The following MYO16 variants were observed in gnomAD, a reference collection of about 807,000 sequenced individuals.
MYO16 encodes myosin XVI, also known as unconventional myosin-XVI.
A neutral mutation model predicts 205.3 loss-of-function variants in MYO16; 94 were observed. That is an observed-to-expected ratio of 0.46 (90% CI 0.39 to 0.54). The LOEUF (loss-of-function observed/expected upper bound fraction) is 0.54. Ranked by LOEUF, MYO16 falls within the 20% of genes least tolerant of loss-of-function variation. The pLI is 0.00. For missense variants in MYO16, 2,315 were observed against 2,387.5 expected (o/e 0.97, Z 0.63); for synonymous variants, 988 against 954.0 (o/e 1.04, Z -0.66).
At chr13:109,110,966 A>G (rs994998509) in intron 28 of MYO16, among the ~76,000 whole-genome samples, 5 of 152,164 alleles carry the variant, frequency 3.3e-5, no homozygotes, top group African/African-American at 1.2e-4. Flanking sequence ...GGATACATGA[A>G]TGAATGAATG....
chr13:108,821,964 G>A (rs1432050145), intron 8 of MYO16, among the ~76,000 whole-genome samples: 3 of 152,080 alleles, frequency 2.0e-5, no homozygotes, highest in East Asian at 1.9e-4. Flanking sequence ...CATGCAAAAC[G>A]CAAAGAGTTA....
At chr13:109,024,510 G>T (rs113502413) in intron 23 of MYO16, among the ~76,000 whole-genome samples, 2,572 of 152,124 alleles carry the variant, frequency 0.017, 75 homozygotes, top group African/African-American at 0.059. Context: ...AAAATTTCCA[G>T]TTTTAGTTTC....
At chr13:108,950,399 C>T (rs931599081) in intron 16 of MYO16, among the ~76,000 whole-genome samples, 1 of 152,048 alleles carries the variant, frequency 6.6e-6, no homozygotes, top group African/African-American at 2.4e-5. Context: ...GGATATTTCA[C>T]CAAATATGAA....
chr13:109,063,350 C>G (rs1470626953), intron 27 of MYO16, among the ~76,000 whole-genome samples: 1 of 152,160 alleles, frequency 6.6e-6, no homozygotes, highest in African/African-American at 2.4e-5. Context: ...CTTAAGGACT[C>G]TGTCTTCAAT....
At chr13:109,007,731 T>TTG (rs535929611) in intron 21 of MYO16, among the ~76,000 whole-genome samples, 162 of 152,164 alleles carry the variant, frequency 1.1e-3, no homozygotes, top group Non-Finnish European at 1.9e-3. Flanking sequence ...AATAACATAT[T>TTG]TGTTTCCTGA....
In MYO16 at chr13:108,962,467, C is replaced by G. The variant is rs773702705; in HGVS notation, c.2199C>G (p.Ala733=). The G allele has an allele frequency of 6.3e-7, 1 of 1,592,760 alleles. No individual in the cohort carries two copies. Among genetic ancestry groups the G allele is most frequent in the Non-Finnish European group, 8.5e-7 (1 of 1,173,434 alleles). The change falls in exon 19 of 35, where the codon GCC becomes GCG. Residue 733 remains alanine (A), a synonymous_variant. Transcript: ENST00000457511. ...TATCAACAGATGAATTGGCATCTGC[C>G]TTAACAACTGATATTCAATATTTTA... ...LQVSTDELAS[A]LTTDIQYFKG...
intron 13 of MYO16, among the ~76,000 whole-genome samples, chr13:108,884,291 A>T (rs1879753945): frequency 6.6e-6 from 1 of 152,234 alleles, no homozygotes; most frequent in South Asian, 2.1e-4. Context: ...GGACAGACTG[A>T]TGGGCGCACA....
intron 4 of MYO16, among the ~76,000 whole-genome samples, chr13:108,751,701 T>C (rs1301574430): frequency 2.0e-5 from 3 of 152,194 alleles, no homozygotes; most frequent in African/African-American, 7.2e-5. Flanking sequence ...TTACACACCC[T>C]TCATGTGATG....
intron 22 of MYO16, among the ~76,000 whole-genome samples, chr13:109,016,792 T>G (rs951142540): frequency 2.0e-5 from 3 of 152,036 alleles, no homozygotes; most frequent in African/African-American, 4.8e-5. Context: ...TGCTGCTTTT[T>G]TTGTTGTTGT....
chr13:108,868,650 C>T (rs777542761), intron 12 of MYO16, among the ~76,000 whole-genome samples: 11 of 151,900 alleles, frequency 7.2e-5, no homozygotes, highest in South Asian at 2.1e-4. Flanking sequence ...CAGCTGGGCT[C>T]GGTGGCTCAC....
At chr13:108,561,982 C>A in the MYO16 span, among the ~76,000 whole-genome samples, 1 of 152,114 alleles carries the variant, frequency 6.6e-6, no homozygotes, top group Non-Finnish European at 1.5e-5. Context: ...ATCAATTAAA[C>A]CTTCGAATTT....
intron 34 of MYO16, among the ~76,000 whole-genome samples, chr13:109,186,151 G>C (rs1301333059): frequency 6.6e-6 from 1 of 152,048 alleles, no homozygotes; most frequent in African/African-American, 2.4e-5. Flanking sequence ...AAGCAACAGA[G>C]ACCGTGTCTC....
At chr13:108,889,087 G>A (rs1880042044) in intron 14 of MYO16, among the ~76,000 whole-genome samples, 1 of 151,940 alleles carries the variant, frequency 6.6e-6, no homozygotes, top group Admixed American at 6.6e-5. Context: ...AGTGCACTTT[G>A]GTGTGTTAGG....
chr13:109,141,441 C>A lies in MYO16; in HGVS notation c.5164+65C>A. 1 of 1,095,386 alleles carries A rather than the reference C, an allele frequency of 9.1e-7. No homozygotes were observed. The highest frequency in any genetic ancestry group is 1.2e-6 in the Non-Finnish European group (1 of 806,842). 67.9% of individuals were successfully genotyped at this position (1,095,386 alleles called of 1,614,324 possible). A position where few individuals can be genotyped will look rare whatever the true frequency, so the allele number is the denominator to read the frequency against. ...CGCTGTGCTTGCGTGCACCTGTGTA[C>A]ATCCGTGTCTGCGCAGATGTGAAAT... is the stretch of plus-strand genomic sequence containing the variant. On this transcript the variant is annotated intron_variant, in intron 32 of 34. Transcript: ENST00000457511. This position sits in a 1 kb window ranked among gnomAD's most constrained non-coding sequence, Gnocchi z 4.1.
At chr13:108,828,465 G>A (rs2139034150) in intron 9 of MYO16, among the ~76,000 whole-genome samples, 1 of 152,086 alleles carries the variant, frequency 6.6e-6, no homozygotes, top group South Asian at 2.1e-4. Flanking sequence ...TACAAAATGT[G>A]GGTGTTGTTT....
chr13:109,000,565 T>C (rs1454622171), intron 21 of MYO16, among the ~76,000 whole-genome samples: 5 of 152,192 alleles, frequency 3.3e-5, no homozygotes, highest in Non-Finnish European at 7.3e-5. Flanking sequence ...ATGAATAATT[T>C]TATATGAAAA....
intron 16 of MYO16, among the ~76,000 whole-genome samples, chr13:108,955,184 C>A (rs1219734544): frequency 1.3e-5 from 2 of 152,342 alleles, no homozygotes; most frequent in South Asian, 2.1e-4. Context: ...CCTGTGTCGT[C>A]CTAGAAAGTC....
At chr13:108,539,176 A>G in the MYO16 span, among the ~76,000 whole-genome samples, 37 of 152,238 alleles carry the variant, frequency 2.4e-4, no homozygotes, top group African/African-American at 8.2e-4. Flanking sequence ...GGTTTTTATC[A>G]GTATTTGCCA....
chr13:108,940,278 C>T (rs986206350), intron 16 of MYO16, among the ~76,000 whole-genome samples: 1 of 152,018 alleles, frequency 6.6e-6, no homozygotes, highest in African/African-American at 2.4e-5. Flanking sequence ...GTATTTTGGC[C>T]TATGTTGCCC....
Sources: gnomAD v4.1 joint callset for allele counts (sites outside exome capture counted in the v4.1 genomes callset) on GRCh38, gnomAD v4.1.1 for gene constraint, Gnocchi (gnomAD v3.1) non-coding constraint, MANE v1.5 for transcripts, NCBI Gene and HGNC (gene_info 2026-07-23, HGNC 2026-07-21) for gene names.